The following FNDC3A variants were observed in gnomAD, a reference collection of about 807,000 sequenced individuals.
The protein encoded by FNDC3A is fibronectin type III domain containing 3A, also known as fibronectin type-III domain-containing protein 3A.
Under a neutral mutation model 148.9 loss-of-function variants are expected in FNDC3A, and 32 were observed. The observed-to-expected ratio is 0.21, with a 90% CI of 0.16 to 0.29. The LOEUF is 0.29. Ranked by LOEUF, FNDC3A falls within the 10% of genes least tolerant of loss-of-function variation. FNDC3A has a pLI of 1.00. For synonymous variants in FNDC3A, 472 were observed against 473.6 expected, an observed-to-expected ratio of 1.00 and a Z score of 0.04; for missense variants, 1,191 against 1,452.8, an observed-to-expected ratio of 0.82 and a Z score of 2.93.
intron 2 of FNDC3A, among the ~76,000 whole-genome samples, chr13:49,055,963 G>A (rs773632525): frequency 1.3e-5 from 2 of 152,166 alleles, no homozygotes; most frequent in Middle Eastern, 3.4e-3. Flanking sequence ...GAGGCAGGAC[G>A]ATCACTTGAG....
intron 2 of FNDC3A, 91 bp from the exon 3 acceptor site, chr13:49,075,198 G>A (rs1023172463): frequency 7.2e-6 from 5 of 693,008 alleles, no homozygotes. Flanking sequence ...GTTTCATAAG[G>A]TTAAATAGCT....
intron 3 of FNDC3A, among the ~76,000 whole-genome samples, chr13:49,078,262 T>C (rs1878246708): frequency 6.6e-6 from 1 of 152,170 alleles, no homozygotes; most frequent in African/African-American, 2.4e-5. Context: ...CCTCCATAAA[T>C]CAATTAAATT....
intron 2 of FNDC3A, chr13:49,046,888 G>A (rs959354440): frequency 1.3e-5 from 2 of 151,978 alleles, no homozygotes; most frequent in African/African-American, 4.8e-5. Context: ...TTGGGAAACA[G>A]TTGGTGTTTG....
chr13:48,993,547 CAA>C (rs915117737), intron 1 of FNDC3A, among the ~76,000 whole-genome samples: 5 of 151,940 alleles, frequency 3.3e-5, no homozygotes, highest in African/African-American at 1.2e-4. Flanking sequence ...AGGAATTTGA[CAA>C]AAAAATTTTT....
intron 4 of FNDC3A, among the ~76,000 whole-genome samples, chr13:49,120,582 T>C (rs1165411649): frequency 6.6e-6 from 1 of 151,712 alleles, no homozygotes; most frequent in Non-Finnish European, 1.5e-5. Flanking sequence ...TGGTGTGCTG[T>C]ATTCAGGAGA....
At chr13:49,073,740 A>T (rs866336375) in intron 2 of FNDC3A, among the ~76,000 whole-genome samples, 148 of 134,780 alleles carry the variant, frequency 1.1e-3, no homozygotes, top group African/African-American at 4.6e-3. Context: ...ATGTATATAT[A>T]ATATATGTGT....
In FNDC3A at chr13:49,197,817, T is replaced by A. The variant is rs1886227655; in HGVS notation, c.2433T>A (p.Gly811=). The A allele has an allele frequency of 1.2e-6, 2 of 1,609,392 alleles. No individual in the cohort carries two copies. The highest frequency in any genetic ancestry group is 2.7e-5 in the African/African-American group (2 of 74,516). ...GSMQICYCGP[G]LSYEIKGLSP... ...TGCAGATATGTTACTGTGGGCCTGG[T>A]CTCAGTTATGAAATAAAAGGACTTT... Residue 811 remains glycine, a synonymous_variant, in exon 21 of 26, where the codon GGT becomes GGA. Transcript: ENST00000492622.
chr13:49,171,943 A>G, intron 10 of FNDC3A, 100 bp from the exon 11 acceptor site: 1 of 800,128 alleles, frequency 1.2e-6, no homozygotes, highest in Non-Finnish European at 2.0e-6. Flanking sequence ...AGTCACAGAA[A>G]ACATCTGCCA....
intron 3 of FNDC3A, among the ~76,000 whole-genome samples, chr13:49,078,513 G>A (rs1878266916): frequency 6.6e-6 from 1 of 152,168 alleles, no homozygotes; most frequent in African/African-American, 2.4e-5. Flanking sequence ...CACAGGAAAG[G>A]ATAAAGGGAA....
At chr13:49,023,656 T>C (rs1230117911) in intron 2 of FNDC3A, among the ~76,000 whole-genome samples, 3 of 151,932 alleles carry the variant, frequency 2.0e-5, no homozygotes, top group Non-Finnish European at 1.5e-5. Flanking sequence ...TCAACTCCTG[T>C]GCCCCAGAAT....
At chr13:49,117,056 A>C (rs1881013317) in intron 4 of FNDC3A, among the ~76,000 whole-genome samples, 1 of 152,150 alleles carries the variant, frequency 6.6e-6, no homozygotes. Context: ...AGAAGTAAGA[A>C]GTCTAGATCA....
intron 8 of FNDC3A, among the ~76,000 whole-genome samples, chr13:49,161,568 G>C (rs1884122407): frequency 6.6e-6 from 1 of 152,136 alleles, no homozygotes; most frequent in Non-Finnish European, 1.5e-5. Flanking sequence ...CAGTTTGCCA[G>C]TCTGTGTTTT....
chr13:49,122,290 A>G (rs1187888916), intron 4 of FNDC3A, among the ~76,000 whole-genome samples: 1 of 152,122 alleles, frequency 6.6e-6, no homozygotes, highest in Non-Finnish European at 1.5e-5. Context: ...GCCTTCAATA[A>G]AATTGAAGGC....
chr13:49,198,133 G>T lies in FNDC3A; in HGVS notation c.2642G>T (p.Ser881Ile). The T allele has an allele frequency of 6.2e-7, 1 of 1,614,146 alleles. No homozygotes were observed. Among genetic ancestry groups the T allele is most frequent in the Non-Finnish European group, 8.5e-7 (1 of 1,180,020 alleles). The change falls in exon 22 of 26, where the codon AGC (serine) becomes ATC (isoleucine). Residue 881 changes from serine (S) to isoleucine (I), a missense_variant. Physicochemically the swap from Ser to Ile is moderately radical, Grantham distance 142. Coordinates refer to ENST00000492622, the MANE Select transcript of FNDC3A (RefSeq NM_001079673.2). ...TCACCTTCTACATGCCTTGCAATAA[G>T]CTGGGAAAAGCCTTGTGATCATGGT... ...HYSPSTCLAISWEKPCDHGSE... is the reference protein window; with the variant it reads ...HYSPSTCLAIIWEKPCDHGSE...
At chr13:49,030,026 C>G (rs1873993177) in intron 2 of FNDC3A, among the ~76,000 whole-genome samples, 1 of 152,048 alleles carries the variant, frequency 6.6e-6, no homozygotes, top group Non-Finnish European at 1.5e-5. Flanking sequence ...GTGAATTCCA[C>G]CAAATGTTTA....
At chr13:49,202,657 A>C (rs905537474) in intron 24 of FNDC3A, among the ~76,000 whole-genome samples, 2 of 152,186 alleles carry the variant, frequency 1.3e-5, no homozygotes, top group Non-Finnish European at 2.9e-5. Context: ...AGTTTCACTG[A>C]GTCATTTTTC....
chr13:49,136,543 A>C lies in FNDC3A; in HGVS notation c.702A>C (p.Ser234=), dbSNP rs770854742. The stretch of plus-strand genomic sequence containing the variant: ...TTGCTGGTGGTATAAACACAGGATC[A>C]GCAAAAATCAAGTCTGGGAAGGGGA... ...GQIAGGINTG[S]AKIKSGKGKG... is the part of the protein sequence containing the mutation. The change falls in exon 6 of 26, where the codon TCA becomes TCC. Residue 234 remains serine (S), a synonymous_variant. Transcript: ENST00000492622. 3 of 1,614,146 alleles carry C rather than the reference A, an allele frequency of 1.9e-6. No homozygotes were observed. The South Asian group carries it at 3.3e-5, about 18-fold the overall frequency.
At chr13:49,102,731 T>C (rs1879942144) in intron 3 of FNDC3A, among the ~76,000 whole-genome samples, 2 of 152,216 alleles carry the variant, frequency 1.3e-5, no homozygotes, top group African/African-American at 4.8e-5. Context: ...ACACAGAGGA[T>C]GCATTGAGGA....
In FNDC3A at chr13:49,167,314, C is replaced by T. The variant is rs776851008; in HGVS notation, c.1037+11C>T. The T allele has an allele frequency of 6.4e-7, 1 of 1,563,596 alleles. No homozygotes were observed. Among genetic ancestry groups the T allele is most frequent in the Non-Finnish European group, 8.8e-7 (1 of 1,141,972 alleles). On this transcript the variant is annotated intron_variant, in intron 9 of 25. Coordinates refer to ENST00000492622, the MANE Select transcript of FNDC3A (RefSeq NM_001079673.2). The stretch of plus-strand genomic sequence containing the variant: ...GGATTACCATGCAAAGTAAGGAATT[C>T]CTACAGATTGCCTTTATAAGATACA...
Sources: allele counts gnomAD v4.1 joint callset (sites outside exome capture counted in the v4.1 genomes callset), GRCh38; gene constraint gnomAD v4.1.1; transcripts MANE v1.5; gene names NCBI Gene and HGNC (gene_info 2026-07-23, HGNC 2026-07-21).